Variants in SNW1 observed in about 807,000 individuals in gnomAD.
The protein encoded by SNW1 is SNW domain containing 1.
A neutral mutation model predicts 75.6 loss-of-function variants in SNW1; 9 were observed. The ratio of observed to expected loss-of-function variants is 0.12; its 90% CI spans 0.07 to 0.21. The LOEUF (loss-of-function observed/expected upper bound fraction) is 0.21, where lower values mean the gene tolerates loss of function less well. Among genes scored for constraint, SNW1 ranks in the 10% least tolerant of loss-of-function variants. The pLI is 1.00. For missense variants in SNW1, 409 were observed against 670.9 expected (o/e 0.61, Z 4.31); for synonymous variants, 200 against 219.1 (o/e 0.91, Z 0.77).
intron 1 of SNW1, among the ~76,000 whole-genome samples, chr14:77,755,966 C>T (rs2080839846): frequency 6.6e-6 from 1 of 150,560 alleles, no homozygotes; most frequent in East Asian, 2.0e-4. Flanking sequence ...CTCGAACTCC[C>T]GACCGCAGGT....
chr14:77,720,701 A>G lies in SNW1; in HGVS notation c.1248+10T>C, dbSNP rs200101346. On this transcript the variant is annotated intron_variant, in intron 12 of 13. Coordinates refer to ENST00000261531, the MANE Select transcript of SNW1 (RefSeq NM_012245.3). ...TCAACACACACAATATGCTGTTCCT[A>G]AACTTGTACCTTGGATTGGTTGAAG... 6.4e-7 allele frequency: 1 copy of G among 1,559,568 alleles called. No individual in the cohort carries two copies. The highest frequency in any genetic ancestry group is 1.4e-5 in the African/African-American group (1 of 73,742).
intron 3 of SNW1, among the ~76,000 whole-genome samples, chr14:77,741,066 C>T (rs967480570): frequency 1.4e-5 from 2 of 142,166 alleles, no homozygotes; most frequent in African/African-American, 2.7e-5. Flanking sequence ...CATTGCACTC[C>T]AGCCTGAGCA....
At chr14:77,737,991 C>CAA (rs35896717) in intron 5 of SNW1, among the ~76,000 whole-genome samples, 41,437 of 73,944 alleles carry the variant, frequency 0.56, 12,307 homozygotes, top group South Asian at 0.68. Flanking sequence ...GACTCCATCT[C>CAA]AAAAAAAAAA....
chr14:77,754,845 A>G, intron 2 of SNW1, 122 bp downstream of exon 2: 1 of 884,616 alleles, frequency 1.1e-6, no homozygotes, highest in Non-Finnish European at 1.7e-6. Context: ...AGAGCACATA[A>G]CCAGAATTTC....
chr14:77,760,669 A>G (rs1199518657), intron 1 of SNW1: 3 of 702,170 alleles, frequency 4.3e-6, no homozygotes, highest in Non-Finnish European at 7.8e-6. Flanking sequence ...TTGTTTCGGG[A>G]CACCCAGTGG....
At position 77,735,917 on chromosome 14, in the gene SNW1, T is replaced by G; in HGVS notation, c.708+20A>C. ...TAACCATGAGTAGAAAAAAATATTT[T>G]GGACTACAGCAAAGAATACCTTTCG... On this transcript the variant is annotated intron_variant, in intron 7 of 13. Coordinates refer to ENST00000261531, the MANE Select transcript of SNW1 (RefSeq NM_012245.3). 6.2e-7 allele frequency: 1 copy of G among 1,604,166 alleles called. No homozygotes were observed. Among genetic ancestry groups the G allele is most frequent in the Non-Finnish European group, 8.5e-7 (1 of 1,171,996 alleles).
intron 1 of SNW1, chr14:77,760,903 CG>C (rs1196265995): frequency 9.3e-7 from 1 of 1,076,034 alleles, no homozygotes; most frequent in African/African-American, 1.6e-5. Flanking sequence ...CCTCGGTGAG[CG>C]GGTGAACTAA....
intron 3 of SNW1, among the ~76,000 whole-genome samples, chr14:77,741,000 G>A (rs899302373): frequency 1.3e-5 from 2 of 150,716 alleles, no homozygotes; most frequent in Non-Finnish European, 1.5e-5. Context: ...GAGACGCTGA[G>A]GCAGGAGAAT....
At chr14:77,736,350 C>T (rs1476634700) in intron 6 of SNW1, among the ~76,000 whole-genome samples, 1 of 152,048 alleles carries the variant, frequency 6.6e-6, no homozygotes, top group Non-Finnish European at 1.5e-5. Flanking sequence ...GAGATCGAGA[C>T]CATCCTGGCT....
chr14:77,759,840 G>A (rs1401757411), intron 1 of SNW1, among the ~76,000 whole-genome samples: 4 of 151,838 alleles, frequency 2.6e-5, no homozygotes, highest in East Asian at 1.9e-4. Context: ...TTCAGATGCC[G>A]GGCATGGTGG....
At position 77,731,104 on chromosome 14, in the gene SNW1, G is replaced by A; in HGVS notation, c.917C>T (p.Ala306Val). ...RKAREAVEMR[A>V]QVERKMAQKE... ...CTGAGCCATTTTTCTCTCTACTTGG[G>A]CACGCATTTCCACAGCTTCACGAGC... The change falls in exon 10 of 14, where the codon GCC (alanine) becomes GTC (valine). Residue 306 changes from alanine to valine, a missense_variant. Physicochemically the swap from Ala to Val is moderately conservative, Grantham distance 64 (BLOSUM62 0). Coordinates refer to ENST00000261531, the MANE Select transcript of SNW1 (RefSeq NM_012245.3). 6.2e-7 allele frequency: 1 copy of A among 1,613,674 alleles called. No individual in the cohort carries two copies. The highest frequency in any genetic ancestry group is 8.5e-7 in the Non-Finnish European group (1 of 1,179,980).
At chr14:77,723,559 G>A (rs900687150) in intron 10 of SNW1, among the ~76,000 whole-genome samples, 7 of 151,812 alleles carry the variant, frequency 4.6e-5, no homozygotes, top group Admixed American at 4.6e-4. Flanking sequence ...TTATGTTGTC[G>A]AGGCTGGTCT....
chr14:77,744,151 G>GA (rs1331609882), intron 3 of SNW1, among the ~76,000 whole-genome samples: 2 of 133,428 alleles, frequency 1.5e-5, no homozygotes, highest in East Asian at 4.3e-4. Context: ...AAAAAAAAAA[G>GA]AAAAAAAGAA....
rs752556190 is a variant in SNW1, at chr14:77,718,261, C to T, written c.1438G>A (p.Gly480Ser). 60 of 1,613,366 alleles carry T rather than the reference C, an allele frequency of 3.7e-5. No homozygotes were observed. The Admixed American group carries it at 9.2e-4, about 25-fold the overall frequency. The change falls in exon 14 of 14, where the codon GGT becomes AGT. Residue 480 changes from glycine (G) to serine (S), a missense_variant. By Grantham distance (56) the Gly-to-Ser change is moderately conservative (BLOSUM62 0). This residue lies in a region of SNW1 where 126 missense variants were observed against 167.6 expected (regional missense o/e 0.75). Transcript: ENST00000261531. ...CGGCCTCTCTGTCTACGGTCTGAAC[C>T]AGAAAACTCCTTGTCGGGAACAAAT... is the stretch of plus-strand genomic sequence containing the variant. The part of the protein sequence containing the change: ...NRFVPDKEFS[G>S]SDRRQRGREG...
chr14:77,746,426 C>A (rs2080760820), intron 3 of SNW1, among the ~76,000 whole-genome samples: 1 of 151,710 alleles, frequency 6.6e-6, no homozygotes, highest in Admixed American at 6.6e-5. Context: ...GAAATAAGAT[C>A]GTTCACAGAG....
At chr14:77,752,793 A>G (rs909780638) in intron 2 of SNW1, among the ~76,000 whole-genome samples, 2 of 152,260 alleles carry the variant, frequency 1.3e-5, no homozygotes, top group African/African-American at 2.4e-5. Context: ...CTCTTTAAGT[A>G]ATACTCCGTT....
At position 77,751,406 on chromosome 14, in the gene SNW1, T is replaced by A. The variant is rs2080806366; in HGVS notation, c.243A>T (p.Lys81Asn). ...QYPLDMGRKK[K>N]MSNALAIQVD... Reference sequence around the variant, plus strand: ...CCTGAATGGCCAGCGCATTCGACATTTTTTTCTTTCGTCCCATATCCAGTG... The same window carrying A: ...CCTGAATGGCCAGCGCATTCGACATATTTTTCTTTCGTCCCATATCCAGTG... The change falls in exon 3 of 14, where the codon AAA becomes AAT. Residue 81 changes from lysine to asparagine, a missense_variant. Around this residue, in one of 9 missense-constraint regions of SNW1, gnomAD observed 60 missense variants for 62.6 expected, o/e 0.96. Coordinates refer to ENST00000261531, the MANE Select transcript of SNW1 (RefSeq NM_012245.3). 3 of 1,613,924 alleles carry A rather than the reference T, an allele frequency of 1.9e-6. No individual in the cohort carries two copies. The highest frequency in any genetic ancestry group is 2.5e-6 in the Non-Finnish European group (3 of 1,179,896).
intron 3 of SNW1, among the ~76,000 whole-genome samples, chr14:77,748,642 G>A (rs1230963260): frequency 1.3e-5 from 2 of 151,566 alleles, no homozygotes; most frequent in Non-Finnish European, 2.9e-5. Context: ...GCTGGAGTGC[G>A]GTGGTGCCGT....
chr14:77,742,028 A>C (rs1169920614), intron 3 of SNW1, among the ~76,000 whole-genome samples: 1 of 148,266 alleles, frequency 6.7e-6, no homozygotes, highest in African/African-American at 2.5e-5. Flanking sequence ...TAATTATAAA[A>C]CCCCCCATTT....
Sources: allele counts gnomAD v4.1 joint callset (sites outside exome capture counted in the v4.1 genomes callset), GRCh38; gene constraint gnomAD v4.1.1; regional missense constraint gnomAD v4.1.1; transcripts MANE v1.5; gene names NCBI Gene and HGNC (gene_info 2026-07-23, HGNC 2026-07-21).